Variants in TMEM150B observed in about 807,000 individuals in gnomAD.
TMEM150B encodes transmembrane protein 150B, also known as modulator of macroautophagy TMEM150B.
In TMEM150B, 33 loss-of-function variants were observed where a neutral mutation model predicts 25.2. That is an observed-to-expected ratio of 1.31 (90% CI 0.99 to 1.75). The LOEUF (loss-of-function observed/expected upper bound fraction) is 1.75. Among genes scored for constraint, TMEM150B ranks in the 40% most tolerant of loss-of-function variants. The pLI, the probability that TMEM150B is intolerant of heterozygous loss-of-function variation, is 0.00. For synonymous variants in TMEM150B, 133 were observed against 134.8 expected (o/e 0.99, Z 0.09); for missense variants, 322 against 306.1 (o/e 1.05, Z -0.39).
At chr19:55,321,382 C>G (rs1319763713) in intron 2 of TMEM150B, among the ~76,000 whole-genome samples, 1 of 151,932 alleles carries the variant, frequency 6.6e-6, no homozygotes, top group Admixed American at 6.6e-5. Context: ...TCTCCAAGAT[C>G]CCTGGGGCTC....
Position 55,316,957 on chromosome 19 carries a change from G to A in TMEM150B, c.334C>T (p.Gln112Ter), listed in dbSNP as rs780977240. The change falls in exon 7 of 8, where the codon CAG (glutamine) becomes TAG (stop). Residue 112 changes from glutamine to a stop codon, truncating the protein, a stop_gained. Transcript: ENST00000326652. LOFTEE classifies it high-confidence loss of function. Reference protein sequence around the residue: ...SVVGNFQEKNQRPTHLAGAFL... With the variant: ...SVVGNFQEKN The stretch of plus-strand genomic sequence containing the variant: ...GCCCCTGCCAAGTGCGTAGGCCGCT[G>A]GTTCTTTTCCTGGGAGGAGAAGGGA... The A allele has an allele frequency of 1.9e-6, 3 of 1,598,934 alleles. No homozygotes were observed. In the African/African-American group the frequency reaches 4.1e-5, roughly 22 times the overall value.
chr19:55,321,201 T>G, intron 2 of TMEM150B, 108 bp from the exon 3 acceptor site: 1 of 1,382,446 alleles, frequency 7.2e-7, no homozygotes, highest in African/African-American at 1.5e-5. Context: ...TCTGATCTGA[T>G]TGGCCAGCTC....
intron 1 of TMEM150B, chr19:55,324,961 C>T (rs1234975933): frequency 1.3e-5 from 11 of 835,538 alleles, no homozygotes; most frequent in Middle Eastern, 6.0e-4. Context: ...GTCCATGCTA[C>T]CTGCTCCTCC....
intron 2 of TMEM150B, among the ~76,000 whole-genome samples, chr19:55,321,800 A>T (rs1031751333): frequency 6.6e-6 from 1 of 151,552 alleles, no homozygotes; most frequent in African/African-American, 2.4e-5. Flanking sequence ...GCTCTTACCT[A>T]CTCGGGTACC....
At chr19:55,319,794 A>C in intron 6 of TMEM150B, 1 of 1,330,970 alleles carries the variant, frequency 7.5e-7, no homozygotes, top group Non-Finnish European at 9.6e-7. Flanking sequence ...GGCTGGCAGA[A>C]AATTATCCCA....
intron 1 of TMEM150B, among the ~76,000 whole-genome samples, chr19:55,324,563 G>T (rs1392253119): frequency 2.0e-5 from 3 of 152,086 alleles, no homozygotes; most frequent in Non-Finnish European, 2.9e-5. Context: ...CAGGAGAATC[G>T]CTTGAACCCA....
At chr19:55,313,637 C>G (rs1009893750) in intron 7 of TMEM150B, among the ~76,000 whole-genome samples, 2 of 152,186 alleles carry the variant, frequency 1.3e-5, no homozygotes, top group African/African-American at 4.8e-5. Context: ...CTTCATCCTT[C>G]TTGGCCAGCT....
At chr19:55,315,282 C>T (rs1481607750) in intron 7 of TMEM150B, among the ~76,000 whole-genome samples, 2 of 151,792 alleles carry the variant, frequency 1.3e-5, no homozygotes, top group Non-Finnish European at 1.5e-5. Flanking sequence ...TGCCACTGCA[C>T]TCCACCCTGG....
chr19:55,323,802 C>CTTTTTT (rs367630607), intron 1 of TMEM150B, among the ~76,000 whole-genome samples: 1 of 100,894 alleles, frequency 9.9e-6, no homozygotes, highest in Non-Finnish European at 1.9e-5. Context: ...TGCGCCCAAC[C>CTTTTTT]TTTTTTTTTT....
In TMEM150B at chr19:55,313,021, G is replaced by C. The variant is rs1190623973; in HGVS notation, c.540C>G (p.Val180=). 3 of 1,613,220 alleles carry C rather than the reference G, an allele frequency of 1.9e-6. No homozygotes were observed. The highest frequency in any genetic ancestry group is 2.7e-5 in the African/African-American group (2 of 74,928). Residue 180 remains valine (V), a synonymous_variant, in exon 8 of 8, where the codon GTC becomes GTG. Transcript: ENST00000326652. ...IVLHACSLRS[V]SAACEWVVAM... ...CCACGACCCACTCGCAGGCCGCAGAGACGCTACGCAGCGAGCAGGCGTGGA... is the reference window on the plus strand; with the variant it reads ...CCACGACCCACTCGCAGGCCGCAGACACGCTACGCAGCGAGCAGGCGTGGA...
chr19:55,322,174 C>T (rs1375891806), intron 2 of TMEM150B, among the ~76,000 whole-genome samples: 2 of 152,096 alleles, frequency 1.3e-5, no homozygotes, highest in South Asian at 4.1e-4. Context: ...CCCTCAGCCC[C>T]TCCTCCCTCA....
At chr19:55,323,642 A>G (rs1242532554) in intron 1 of TMEM150B, among the ~76,000 whole-genome samples, 1 of 150,198 alleles carries the variant, frequency 6.7e-6, no homozygotes, top group African/African-American at 2.5e-5. Flanking sequence ...AGCTGGGATT[A>G]CAGGCCGGTG....
Position 55,320,154 on chromosome 19 carries a change from CAG to C in TMEM150B, c.207_208del (p.Ile69MetfsTer18). The C allele has an allele frequency of 6.2e-7, 1 of 1,614,088 alleles. No homozygotes were observed. Among genetic ancestry groups the C allele is most frequent in the Middle Eastern group, 1.7e-4 (1 of 6,060 alleles). On this transcript the variant is annotated frameshift_variant, in exon 6 of 8. Coordinates refer to ENST00000326652, the MANE Select transcript of TMEM150B (RefSeq NM_001282011.2). LOFTEE classifies it high-confidence loss of function. The stretch of plus-strand genomic sequence containing the variant: ...CCGGAGCTGGTGGTAACGGACAATG[CAG>C]ATCCACGCGGCTGGGAGTAGAGGGG...
At chr19:55,316,368 C>T (rs779455906) in intron 7 of TMEM150B, among the ~76,000 whole-genome samples, 55 of 149,740 alleles carry the variant, frequency 3.7e-4, no homozygotes, top group Non-Finnish European at 7.3e-4. Context: ...CCACATGATT[C>T]CTGGCACAGA....
downstream of TMEM150B, chr19:55,312,151 G>A (rs1341002612): frequency 1.6e-6 from 1 of 626,950 alleles, no homozygotes; most frequent in African/African-American, 1.9e-5. Context: ...TAAGGCCCAA[G>A]GAACATGTCG....
At chr19:55,313,085 C>T (rs1423496320) in intron 7 of TMEM150B, 30 bp from the exon 8 acceptor site, 4 of 1,580,594 alleles carry the variant, frequency 2.5e-6, no homozygotes, top group Non-Finnish European at 3.4e-6. Flanking sequence ...CACACTGCTA[C>T]CGTGACAGAC....
At position 55,316,823 on chromosome 19, in the gene TMEM150B, C is replaced by G; in HGVS notation, c.468G>C (p.Leu156=). The change falls in exon 7 of 8, where the codon CTG becomes CTC. Residue 156 remains leucine (L), a synonymous_variant. Coordinates refer to ENST00000326652, the MANE Select transcript of TMEM150B (RefSeq NM_001282011.2). ...GGATGGTGCAGACGCTGCAGAGGCC[C>G]AGGCGGAGGGGCCCAATCCAGGCAG... ...PGAAWIGPLR[L]GLCSVCTILI... 6.3e-7 allele frequency: 1 copy of G among 1,575,046 alleles called. No homozygotes were observed. Among genetic ancestry groups the G allele is most frequent in the Non-Finnish European group, 8.6e-7 (1 of 1,166,878 alleles).
rs745834155 is a variant in TMEM150B, at chr19:55,316,852, C to CG, written c.438dup (p.Gly147ArgfsTer33). On this transcript the variant is annotated frameshift_variant, in exon 7 of 8. Coordinates refer to ENST00000326652, the MANE Select transcript of TMEM150B (RefSeq NM_001282011.2). LOFTEE classifies it high-confidence loss of function. ...CGGAGGGGCCCAATCCAGGCAGCCC[C>CG]GGGCTGGGGCAGCCTCTTCAGCCTC... The CG allele has an allele frequency of 3.1e-6, 5 of 1,591,940 alleles. No individual in the cohort carries two copies. The Admixed American group carries it at 5.5e-5, about 18-fold the overall frequency.
downstream of TMEM150B, chr19:55,311,850 G>A (rs2088805116): frequency 1.9e-6 from 3 of 1,570,028 alleles, no homozygotes; most frequent in Non-Finnish European, 2.6e-6. Context: ...CCCATCCCCT[G>A]GTAATGGGAA....
Sources: gnomAD v4.1 joint callset for allele counts (sites outside exome capture counted in the v4.1 genomes callset) on GRCh38, gnomAD v4.1.1 for gene constraint, MANE v1.5 for transcripts, NCBI Gene and HGNC (gene_info 2026-07-23, HGNC 2026-07-21) for gene names.